Variants in SH2B2 observed in about 807,000 individuals in gnomAD.
The protein encoded by SH2B2 is SH2B adapter protein 2.
SH2B2 carries 37 observed loss-of-function variants against 35.7 expected under a neutral mutation model. The ratio of observed to expected loss-of-function variants is 1.04; its 90% CI spans 0.80 to 1.36. The LOEUF (loss-of-function observed/expected upper bound fraction) is 1.36, where lower values mean the gene tolerates loss of function less well. SH2B2 is among the 40% of genes most tolerant of loss of function. The probability of loss-of-function intolerance (pLI) is 0.00; values close to 1 mark genes in which losing one functional copy is unlikely to be tolerated. For synonymous variants in SH2B2, 383 were observed against 376.4 expected, an observed-to-expected ratio of 1.02 and a Z score of -0.20; for missense variants, 852 against 817.7, an observed-to-expected ratio of 1.04 and a Z score of -0.51.
intron 2 of SH2B2, among the ~76,000 whole-genome samples, chr7:102,302,053 T>A (rs1380694082): frequency 6.6e-6 from 1 of 152,210 alleles, no homozygotes; most frequent in Non-Finnish European, 1.5e-5. Flanking sequence ...AAAGACGGGA[T>A]CTGACTATGT....
chr7:102,311,782 A>T (rs1475459458), intron 4 of SH2B2, among the ~76,000 whole-genome samples: 1 of 152,092 alleles, frequency 6.6e-6, no homozygotes, highest in African/African-American at 2.4e-5. Context: ...GAAGACTCAA[A>T]GATACAGGGG....
At chr7:102,303,257 C>A (rs1460794808) in intron 2 of SH2B2, among the ~76,000 whole-genome samples, 1 of 152,094 alleles carries the variant, frequency 6.6e-6, no homozygotes, top group Non-Finnish European at 1.5e-5. Context: ...ACCTGCCACC[C>A]TGGTGGTCCC....
At position 102,300,190 on chromosome 7, in the gene SH2B2, C is replaced by T. The variant is rs1007131927; in HGVS notation, c.-29-332C>T. Among the ~76,000 whole-genome samples, 20 of 152,236 alleles carry T rather than the reference C, an allele frequency of 1.3e-4. 1 individual carries two copies. The highest frequency in any genetic ancestry group is 3.9e-4 in the African/African-American group (16 of 41,450). ...GCGTGCACCACCACACCCGGCTAAC[C>T]GGCTAATTTTTGTATTTTTAGTAGA... is the stretch of plus-strand genomic sequence containing the variant. On this transcript the variant is annotated intron_variant, in intron 1 of 8. Transcript: ENST00000444095.
At chr7:102,299,290 C>A (rs1379757935) in intron 1 of SH2B2, among the ~76,000 whole-genome samples, 2 of 145,982 alleles carry the variant, frequency 1.4e-5, no homozygotes, top group African/African-American at 2.6e-5. Context: ...CCTCCGCCTC[C>A]TGGGTTCAAG....
At chr7:102,292,526 G>A (rs797027956) in intron 1 of SH2B2, among the ~76,000 whole-genome samples, 53 of 128,794 alleles carry the variant, frequency 4.1e-4, no homozygotes, top group African/African-American at 1.4e-3. Flanking sequence ...GCAAGACTCC[G>A]TCTCAAAAAA....
At chr7:102,309,208 C>T (rs1563561328) in intron 4 of SH2B2, 4 of 545,194 alleles carry the variant, frequency 7.3e-6, no homozygotes, top group Non-Finnish European at 1.4e-5. Context: ...GCAGAGATGG[C>T]AGTGAGTCCC....
chr7:102,320,464 C>T lies in SH2B2; in HGVS notation c.1529C>T (p.Thr510Ile). ...PLESGGSADITLRSYVRAQDP... is the reference protein window; with the variant it reads ...PLESGGSADIILRSYVRAQDP... ...GAGTCAGGGGGCTCGGCCGACATCA[C>T]CCTTCGCAGCTATGTGCGGGCCCAG... The change falls in exon 8 of 9, where the codon ACC becomes ATC. Residue 510 changes from threonine (T) to isoleucine (I), a missense_variant. Thr to Ile is a moderately conservative substitution (Grantham distance 89). Transcript: ENST00000444095. The T allele has an allele frequency of 6.2e-7, 1 of 1,613,774 alleles. No homozygotes were observed. Among genetic ancestry groups the T allele is most frequent in the Non-Finnish European group, 8.5e-7 (1 of 1,179,866 alleles).
chr7:102,288,219 C>A (rs1554551165), intron 1 of SH2B2, among the ~76,000 whole-genome samples: 1 of 152,028 alleles, frequency 6.6e-6, no homozygotes, highest in African/African-American at 2.4e-5. Flanking sequence ...TTGAACTCTC[C>A]CAACCTCTTC....
Position 102,321,376 on chromosome 7 carries a change from A to C in SH2B2, c.1645A>C (p.Ser549Arg). The C allele has an allele frequency of 7.1e-7, 1 of 1,398,980 alleles. No individual in the cohort carries two copies. The allele number at this position is 1,398,980 out of a possible 1,614,324, so 86.7% of individuals were successfully genotyped here. The change falls in exon 9 of 9, where the codon AGC (serine) becomes CGC (arginine). Residue 549 changes from serine to arginine, a missense_variant. Ser to Arg is a moderately radical substitution (Grantham distance 110). Transcript: ENST00000444095. ...SDSPGQHYFS[S>R]LAAAACPPAS... is the part of the protein sequence containing the mutation. ...CTCGCCCGGCCAGCACTACTTCTCC[A>C]GCCTCGCCGCGGCCGCCTGCCCGCC... is the stretch of plus-strand genomic sequence containing the variant.
In SH2B2 at chr7:102,286,893, G is replaced by A. The variant is rs1792473898; in HGVS notation, c.-231G>A. 6.8e-6 allele frequency: 1 copy of A among 147,050 alleles called. No individual in the cohort carries two copies. The highest frequency in any genetic ancestry group is 1.5e-5 in the Non-Finnish European group (1 of 66,324). The allele number at this position is 147,050 out of a possible 1,614,324, so 9.1% of individuals were successfully genotyped here. On this transcript the variant is annotated 5_prime_UTR_variant, in exon 1 of 9. Coordinates refer to ENST00000444095, the MANE Select transcript of SH2B2 (RefSeq NM_001359228.2). ...GCGCCGCGCTGGGGCTGGGCTTGGA[G>A]CGCGCGGAGCTCGGCTGCCAGAGAG...
intron 4 of SH2B2, among the ~76,000 whole-genome samples, chr7:102,311,066 A>C (rs1201099623): frequency 6.6e-6 from 1 of 152,180 alleles, no homozygotes; most frequent in African/African-American, 2.4e-5. Context: ...GAAAAGGCAT[A>C]CAAATTTATT....
intron 3 of SH2B2, among the ~76,000 whole-genome samples, chr7:102,307,561 C>G (rs1243786507): frequency 1.3e-5 from 2 of 152,074 alleles, no homozygotes; most frequent in African/African-American, 2.4e-5. Flanking sequence ...TTACCAACCC[C>G]GGACCCTGAG....
At chr7:102,298,914 CTTTTTTTTTT>C (rs1182008499) in intron 1 of SH2B2, among the ~76,000 whole-genome samples, 3 of 93,396 alleles carry the variant, frequency 3.2e-5, no homozygotes, top group African/African-American at 4.5e-5. Flanking sequence ...TCTTTCTTCT[CTTTTTTTTTT>C]TTTTTTTTTT....
Position 102,301,273 on chromosome 7 carries a change from GC to G in SH2B2, c.726del (p.Ala244ProfsTer35). ...GCTTCCGCCTGGAGTTCTTCGTGCCGCCCAAAGTGAGTTACCCCATAATCCC... is the reference window on the plus strand; with the variant it reads ...GCTTCCGCCTGGAGTTCTTCGTGCCGCCAAAGTGAGTTACCCCATAATCCC... The part of the protein sequence containing the change: ...ERFRLEFFVP[P>X]KASRPKVSIP... On this transcript the variant is annotated frameshift_variant, in exon 2 of 9. Transcript: ENST00000444095. LOFTEE classifies it high-confidence loss of function. 6.2e-7 allele frequency: 1 copy of G among 1,602,422 alleles called. No individual in the cohort carries two copies. The highest frequency in any genetic ancestry group is 8.5e-7 in the Non-Finnish European group (1 of 1,175,068).
Position 102,314,571 on chromosome 7 carries a change from C to G in SH2B2, c.1075C>G (p.His359Asp), listed in dbSNP as rs957489790. Reference sequence around the variant, plus strand: ...CGTGGGTGCAGTGGTGACAGCCCCCCACAGCCGAGGTCGAGATGCCGTCAG... The same window carrying G: ...CGTGGGTGCAGTGGTGACAGCCCCCGACAGCCGAGGTCGAGATGCCGTCAG... ...TAVGAVVTAP[H>D]SRGRDAVRES... Residue 359 changes from histidine (H) to aspartate (D), a missense_variant, in exon 6 of 9, where the codon CAC (histidine) becomes GAC (aspartate). Physicochemically the swap from His to Asp is moderately conservative, Grantham distance 81. Transcript: ENST00000444095. 92 of 398,560 alleles carry G rather than the reference C, an allele frequency of 2.3e-4. No homozygotes were observed. Among genetic ancestry groups the G allele is most frequent in the African/African-American group, 1.2e-3 (60 of 48,592 alleles). 24.7% of individuals were successfully genotyped at this position (398,560 alleles called of 1,614,324 possible). A position where few individuals can be genotyped will look rare whatever the true frequency, so the allele number is the denominator to read the frequency against.
intron 2 of SH2B2, among the ~76,000 whole-genome samples, chr7:102,302,345 G>C (rs1435452641): frequency 5.3e-5 from 8 of 152,228 alleles, no homozygotes; most frequent in Non-Finnish European, 1.2e-4. Flanking sequence ...CTCTTCCCCA[G>C]CTCAGCTGCC....
At chr7:102,300,427 C>T (rs573057733) in intron 1 of SH2B2, 95 bp from the exon 2 acceptor site, 3 of 1,386,218 alleles carry the variant, frequency 2.2e-6, no homozygotes, top group Non-Finnish European at 2.8e-6. Context: ...CACACCCACA[C>T]AGCCCCAGAG....
chr7:102,321,031 C>T (rs1315273841), intron 8 of SH2B2, among the ~76,000 whole-genome samples: 1 of 149,690 alleles, frequency 6.7e-6, no homozygotes, highest in African/African-American at 2.6e-5. Context: ...GCTTGTGTGC[C>T]TGTGTGCGAG....
At position 102,301,150 on chromosome 7, in the gene SH2B2, G is replaced by A; in HGVS notation, c.600G>A (p.Leu200=). ...TGGACATTCAACGCGAGGGGGCGCT[G>A]CGCTTCATGGTGGCCGACGACGCGG... The part of the protein sequence containing the change: ...ELVDIQREGA[L]RFMVADDAAA... Residue 200 remains leucine, a synonymous_variant, in exon 2 of 9, where the codon CTG becomes CTA. Coordinates refer to ENST00000444095, the MANE Select transcript of SH2B2 (RefSeq NM_001359228.2). 2 of 1,553,906 alleles carry A rather than the reference G, an allele frequency of 1.3e-6. No homozygotes were observed. The highest frequency in any genetic ancestry group is 1.7e-6 in the Non-Finnish European group (2 of 1,154,152).
Sources: gnomAD v4.1 joint callset for allele counts (sites outside exome capture counted in the v4.1 genomes callset) on GRCh38, gnomAD v4.1.1 for gene constraint, MANE v1.5 for transcripts, NCBI Gene and HGNC (gene_info 2026-07-23, HGNC 2026-07-21) for gene names.